NTN4: variants seen among roughly 807,000 people sequenced by gnomAD.
The protein encoded by NTN4 is netrin-4.
NTN4 carries 32 observed loss-of-function variants against 73.6 expected under a neutral mutation model. That is an observed-to-expected ratio of 0.44 (90% CI 0.33 to 0.58). The LOEUF (loss-of-function observed/expected upper bound fraction) is 0.58, where lower values mean the gene tolerates loss of function less well. NTN4 is among the 20% of genes least tolerant of loss of function. The pLI is 0.04. For missense variants in NTN4, 654 were observed against 798.3 expected, an observed-to-expected ratio of 0.82 and a Z score of 2.18; for synonymous variants, 258 against 287.5, an observed-to-expected ratio of 0.90 and a Z score of 1.04.
At chr12:95,742,481 A>G (rs2121191741) in intron 2 of NTN4, among the ~76,000 whole-genome samples, 1 of 152,352 alleles carries the variant, frequency 6.6e-6, no homozygotes, top group Admixed American at 6.5e-5. Flanking sequence ...ATAATAGTCA[A>G]GGAATTCTTT....
intron 5 of NTN4, among the ~76,000 whole-genome samples, chr12:95,709,929 T>C (rs1209207497): frequency 1.3e-5 from 2 of 152,204 alleles, no homozygotes; most frequent in African/African-American, 4.8e-5. Context: ...ATTAATATGA[T>C]TTCCTAAATT....
Position 95,738,103 on chromosome 12 carries a change from G to T in NTN4, c.627C>A (p.Asn209Lys), listed in dbSNP as rs1230246247. ...GCTCCTGAACTTTGGCACTGTAAGG[G>T]TTCTCTGTATCGTATGGTGGTGACA... ...KALSPPYDTE[N>K]PYSAKVQEQL... The change falls in exon 3 of 10, where the codon AAC (asparagine) becomes AAA (lysine). Residue 209 changes from asparagine to lysine, a missense_variant. Transcript: ENST00000343702. 1.9e-6 allele frequency: 3 copies of T among 1,613,974 alleles called. No individual in the cohort carries two copies. The highest frequency in any genetic ancestry group is 2.5e-6 in the Non-Finnish European group (3 of 1,179,974).
intron 3 of NTN4, among the ~76,000 whole-genome samples, chr12:95,713,738 T>C (rs1426581093): frequency 6.6e-6 from 1 of 152,174 alleles, no homozygotes; most frequent in Non-Finnish European, 1.5e-5. Context: ...TAATATAACA[T>C]TTGGAGCATA....
intron 5 of NTN4, among the ~76,000 whole-genome samples, chr12:95,690,547 G>A (rs17286105): frequency 0.32 from 47,940 of 151,804 alleles, 7,550 homozygotes; most frequent in Middle Eastern, 0.38. Flanking sequence ...AGAACATTTA[G>A]GCATTTTTCT....
rs201565532 is a variant in NTN4 at position 95,741,770 on chromosome 12, G to GTC, written c.586-3628_586-3627dup. Among the ~76,000 whole-genome samples the GTC allele has an allele frequency of 1.3e-4, 19 of 149,772 alleles. No individual in the cohort carries two copies. In the East Asian group the frequency reaches 1.6e-3, roughly 12 times the overall value. Reference sequence around the variant, plus strand: ...CTGTAATAAAATTTATGTAAATGTGGTCTCTCTCTCTCTCTCAAAATATTT... The same window carrying GTC: ...CTGTAATAAAATTTATGTAAATGTGGTCTCTCTCTCTCTCTCTCAAAATATTT... On this transcript the variant is annotated intron_variant, in intron 2 of 9. Coordinates refer to ENST00000343702, the MANE Select transcript of NTN4 (RefSeq NM_021229.4).
chr12:95,692,085 G>C (rs12314959), intron 5 of NTN4, among the ~76,000 whole-genome samples: 3,337 of 152,240 alleles, frequency 0.022, 129 homozygotes, highest in African/African-American at 0.077. Context: ...GCCCAGGTTG[G>C]AGTGCAATGG....
intron 5 of NTN4, among the ~76,000 whole-genome samples, chr12:95,708,356 C>T (rs1409747023): frequency 1.3e-5 from 2 of 150,940 alleles, no homozygotes; most frequent in African/African-American, 4.9e-5. Flanking sequence ...GGCATGATCT[C>T]GGCTCACTGC....
intron 2 of NTN4, among the ~76,000 whole-genome samples, chr12:95,742,928 G>A (rs771819053): frequency 6.6e-6 from 1 of 152,218 alleles, no homozygotes; most frequent in Non-Finnish European, 1.5e-5. Flanking sequence ...CAGATAGCAA[G>A]ATGCTCTTAC....
At chr12:95,694,219 A>T (rs7979381) in intron 5 of NTN4, among the ~76,000 whole-genome samples, 2,561 of 152,142 alleles carry the variant, frequency 0.017, 65 homozygotes, top group African/African-American at 0.054. Flanking sequence ...ATACCCTAAA[A>T]GTATTTGCTC....
chr12:95,770,680 C>A (rs2079050761), intron 2 of NTN4, among the ~76,000 whole-genome samples: 1 of 152,344 alleles, frequency 6.6e-6, no homozygotes, highest in African/African-American at 2.4e-5. Flanking sequence ...GTGATCACAT[C>A]TTCTCTCTTC....
intron 2 of NTN4, among the ~76,000 whole-genome samples, chr12:95,751,234 A>G (rs1483169077): frequency 1.3e-5 from 2 of 151,884 alleles, no homozygotes; most frequent in African/African-American, 4.9e-5. Context: ...ATAATAGAAA[A>G]AAGTTGCAAT....
chr12:95,681,112 C>T (rs375969567), intron 7 of NTN4, among the ~76,000 whole-genome samples: 11 of 148,964 alleles, frequency 7.4e-5, no homozygotes, highest in African/African-American at 2.8e-4. Flanking sequence ...TTGCTTGAAC[C>T]TGGAAGGCGG....
intron 3 of NTN4, among the ~76,000 whole-genome samples, chr12:95,721,473 C>G (rs1471434646): frequency 6.6e-6 from 1 of 152,154 alleles, no homozygotes; most frequent in Non-Finnish European, 1.5e-5. Flanking sequence ...CTGATGCCTT[C>G]TAGGGGAATT....
At chr12:95,686,661 G>C (rs983144855) in intron 5 of NTN4, among the ~76,000 whole-genome samples, 4 of 151,964 alleles carry the variant, frequency 2.6e-5, no homozygotes, top group African/African-American at 9.7e-5. Context: ...GGGAGACTGA[G>C]GCAGGAGAAT....
intron 5 of NTN4, among the ~76,000 whole-genome samples, chr12:95,695,075 C>T (rs946490025): frequency 2.0e-4 from 30 of 151,236 alleles, no homozygotes; most frequent in African/African-American, 5.3e-4. Flanking sequence ...TTGCAGTGAG[C>T]GGAGATCACG....
At chr12:95,783,104 A>G (rs1296845747) in intron 2 of NTN4, among the ~76,000 whole-genome samples, 1 of 152,214 alleles carries the variant, frequency 6.6e-6, no homozygotes, top group Non-Finnish European at 1.5e-5. Flanking sequence ...TAAGCTCCCA[A>G]TGGACAGAGT....
At chr12:95,689,568 G>A (rs781093494) in intron 5 of NTN4, among the ~76,000 whole-genome samples, 10 of 152,118 alleles carry the variant, frequency 6.6e-5, no homozygotes, top group South Asian at 2.1e-4. Context: ...GGGGATTAGC[G>A]TGCTCAAGGT....
At chr12:95,706,978 C>T (rs117879996) in intron 5 of NTN4, among the ~76,000 whole-genome samples, 2 of 152,254 alleles carry the variant, frequency 1.3e-5, no homozygotes, top group Non-Finnish European at 2.9e-5. Context: ...AACAGATTTC[C>T]CAGGTGATGC....
chr12:95,727,531 GTTTC>G (rs1369716890), intron 3 of NTN4, among the ~76,000 whole-genome samples: 3 of 152,242 alleles, frequency 2.0e-5, no homozygotes, highest in East Asian at 3.9e-4. Context: ...CTACACCTAT[GTTTC>G]TTTATAAGAG....
Sources: allele counts gnomAD v4.1 joint callset (sites outside exome capture counted in the v4.1 genomes callset), GRCh38; gene constraint gnomAD v4.1.1; transcripts MANE v1.5; gene names NCBI Gene and HGNC (gene_info 2026-07-23, HGNC 2026-07-21).